Variants in NLK observed in about 807,000 individuals in gnomAD.
NLK encodes nemo like kinase.
A neutral mutation model predicts 59.0 loss-of-function variants in NLK; 11 were observed. The observed-to-expected ratio is 0.19, with a 90% CI of 0.12 to 0.31. The LOEUF (loss-of-function observed/expected upper bound fraction) is 0.31. NLK is among the 10% of genes least tolerant of loss of function. NLK has a pLI of 1.00. For synonymous variants in NLK, 235 were observed against 235.9 expected (o/e 1.00, Z 0.03); for missense variants, 410 against 661.1 (o/e 0.62, Z 4.16).
chr17:28,111,888 GTGTGTGTGGTGTGTGTGT>G (rs1441764692), intron 1 of NLK, among the ~76,000 whole-genome samples: 21 of 121,130 alleles, frequency 1.7e-4, no homozygotes, highest in African/African-American at 6.5e-4. Context: ...GTGTGTGTGT[GTGTGTGTGGTGTGTGTGT>G]GTGTGTGTGT....
chr17:28,192,394 C>T (rs568814545), intron 10 of NLK, among the ~76,000 whole-genome samples, 181 bp downstream of exon 10: 3 of 152,246 alleles, frequency 2.0e-5, no homozygotes, highest in Admixed American at 6.5e-5. Context: ...CTGGGCTGGG[C>T]GCGGTAGCTC....
At chr17:28,135,404 C>T (rs761174772) in intron 3 of NLK, among the ~76,000 whole-genome samples, 1 of 152,204 alleles carries the variant, frequency 6.6e-6, no homozygotes, top group South Asian at 2.1e-4. Context: ...TTTTCCCTTC[C>T]CCTCCAGAGG....
At chr17:28,140,614 G>T (rs1906947266) in intron 3 of NLK, among the ~76,000 whole-genome samples, 1 of 152,056 alleles carries the variant, frequency 6.6e-6, no homozygotes, top group Non-Finnish European at 1.5e-5. Flanking sequence ...TGTACCAGCA[G>T]GTAATACAAA....
intron 1 of NLK, among the ~76,000 whole-genome samples, chr17:28,119,365 A>T (rs1905918768): frequency 6.6e-6 from 1 of 152,152 alleles, no homozygotes; most frequent in African/African-American, 2.4e-5. Context: ...TGCTTTGTGA[A>T]TTTTACTTTA....
chr17:28,111,276 T>A (rs1030892715), intron 1 of NLK, among the ~76,000 whole-genome samples: 1 of 151,692 alleles, frequency 6.6e-6, no homozygotes, highest in African/African-American at 2.4e-5. Context: ...AACCTCTGCC[T>A]CCCGGGTTCA....
chr17:28,125,335 G>A (rs1006666409), intron 2 of NLK, among the ~76,000 whole-genome samples: 1 of 152,202 alleles, frequency 6.6e-6, no homozygotes, highest in Non-Finnish European at 1.5e-5. Context: ...TCAGAACTAG[G>A]TTTGAATTGT....
rs184568349 is a variant in NLK at position 28,089,045 on chromosome 17, A to G, written c.459-33558A>G. The stretch of plus-strand genomic sequence containing the variant: ...TTTGTTCACCTCACAGTGCATACAC[A>G]GTACTCAGAATACCAGCACCAACAA... On this transcript the variant is annotated intron_variant, in intron 1 of 10. Transcript: ENST00000407008. 3.7e-4 allele frequency among the ~76,000 whole-genome samples: 57 copies of G among 152,374 alleles called. 1 individual carries two copies. In the East Asian group the frequency reaches 0.01, roughly 28 times the overall value.
chr17:28,133,549 T>C (rs1906609368), intron 3 of NLK, among the ~76,000 whole-genome samples: 1 of 152,170 alleles, frequency 6.6e-6, no homozygotes, highest in South Asian at 2.1e-4. Flanking sequence ...AAATAATGCA[T>C]GGTAGTAGCT....
At chr17:28,189,730 CT>C (rs550357238) in intron 8 of NLK, among the ~76,000 whole-genome samples, 231 of 152,154 alleles carry the variant, frequency 1.5e-3, no homozygotes, top group Admixed American at 2.7e-3. Context: ...TATCAAAGGA[CT>C]CAGACTTTTT....
chr17:28,109,251 A>G (rs554085625), intron 1 of NLK, among the ~76,000 whole-genome samples: 116 of 152,254 alleles, frequency 7.6e-4, no homozygotes, highest in Non-Finnish European at 1.3e-3. Flanking sequence ...TATGTGACCT[A>G]TTTGGATGAA....
At chr17:28,194,541 G>A in intron 10 of NLK, 41 bp from the exon 11 acceptor site, 1 of 1,481,396 alleles carries the variant, frequency 6.8e-7, no homozygotes, top group South Asian at 1.2e-5. Flanking sequence ...TTTGTCCATT[G>A]TGACATTACA....
intron 4 of NLK, among the ~76,000 whole-genome samples, chr17:28,162,466 C>G (rs570146237): frequency 1.3e-5 from 2 of 152,052 alleles, no homozygotes; most frequent in Non-Finnish European, 2.9e-5. Context: ...AACTCCATCT[C>G]TACTTTAAAA....
intron 9 of NLK, 136 bp from the exon 10 acceptor site, chr17:28,191,984 G>C (rs977659296): frequency 1.8e-6 from 1 of 549,754 alleles, no homozygotes; most frequent in Non-Finnish European, 3.3e-6. Flanking sequence ...AATTCTGCTT[G>C]ATAGATGATG....
At chr17:28,155,108 A>T (rs1907647858) in intron 3 of NLK, among the ~76,000 whole-genome samples, 1 of 152,234 alleles carries the variant, frequency 6.6e-6, no homozygotes, top group Non-Finnish European at 1.5e-5. Context: ...AATGAATTAT[A>T]ATATAGCCAC....
At chr17:28,121,495 C>CTTTTTTTTTTTTTTTTTTTTTT (rs58647578) in intron 1 of NLK, among the ~76,000 whole-genome samples, 2 of 72,290 alleles carry the variant, frequency 2.8e-5, no homozygotes, top group Non-Finnish European at 4.6e-5. Flanking sequence ...TCTTTCTTTT[C>CTTTTTTTTTTTTTTTTTTTTTT]TTTTTTTTTT....
intron 1 of NLK, among the ~76,000 whole-genome samples, chr17:28,092,107 T>A (rs1381307281): frequency 6.6e-6 from 1 of 152,246 alleles, no homozygotes; most frequent in Non-Finnish European, 1.5e-5. Context: ...TGGTGACATG[T>A]AGCACTTGCA....
At chr17:28,157,943 A>T (rs1907848730) in intron 3 of NLK, among the ~76,000 whole-genome samples, 1 of 152,228 alleles carries the variant, frequency 6.6e-6, no homozygotes, top group South Asian at 2.1e-4. Flanking sequence ...TGTGCACTAT[A>T]TTCTAAGAGT....
At chr17:28,066,532 G>A (rs954599045) in intron 1 of NLK, among the ~76,000 whole-genome samples, 6 of 152,090 alleles carry the variant, frequency 3.9e-5, no homozygotes, top group African/African-American at 1.4e-4. Context: ...TGGACATTTA[G>A]GTTGTTTGCA....
At chr17:28,051,231 C>A (rs903993340) in intron 1 of NLK, among the ~76,000 whole-genome samples, 1 of 152,092 alleles carries the variant, frequency 6.6e-6, no homozygotes, top group Non-Finnish European at 1.5e-5. Flanking sequence ...TTCAGTATTA[C>A]TTTTTACAAT....
Sources: gnomAD v4.1 joint callset for allele counts (sites outside exome capture counted in the v4.1 genomes callset) on GRCh38, gnomAD v4.1.1 for gene constraint, MANE v1.5 for transcripts, NCBI Gene and HGNC (gene_info 2026-07-23, HGNC 2026-07-21) for gene names.